The following PCBP3 variants were observed in gnomAD, a reference collection of about 807,000 sequenced individuals.
The protein encoded by PCBP3 is poly(rC) binding protein 3, also known as poly(rC)-binding protein 3.
PCBP3 carries 25 observed loss-of-function variants against 52.7 expected under a neutral mutation model. The ratio of observed to expected loss-of-function variants is 0.47; its 90% CI spans 0.35 to 0.66. The LOEUF is 0.66. Among genes scored for constraint, PCBP3 ranks in the 30% least tolerant of loss-of-function variants. The probability of loss-of-function intolerance (pLI) is 0.01; values close to 1 mark genes in which losing one functional copy is unlikely to be tolerated. For synonymous variants in PCBP3, 162 were observed against 183.0 expected (o/e 0.89, Z 0.93); for missense variants, 391 against 490.3 (o/e 0.80, Z 1.91).
chr21:45,893,863 T>C (rs1212893846), intron 5 of PCBP3: 2 of 985,268 alleles, frequency 2.0e-6, no homozygotes, highest in African/African-American at 3.5e-5. Flanking sequence ...GGTCCGAGCA[T>C]GGGCTGCTGC....
rs147448164 is a variant in PCBP3 at position 45,914,509 on chromosome 21, G to A, written c.675+484G>A. ...AGGATGCATGGCCCGACGACCGGGC[G>A]TCTGTGCCGCTGTGTCCGGACCTCC... is the stretch of plus-strand genomic sequence containing the variant. On this transcript the variant is annotated intron_variant, in intron 12 of 17. Transcript: ENST00000681687. 570 of 206,910 alleles carry A rather than the reference G, an allele frequency of 2.8e-3. 3 individuals are homozygous for A. Among genetic ancestry groups the A allele is most frequent in the African/African-American group, 0.013 (551 of 43,396 alleles). The allele number at this position is 206,910 out of a possible 1,614,324, so 12.8% of individuals were successfully genotyped here.
At chr21:45,907,423 A>C (rs996959879) in intron 9 of PCBP3, among the ~76,000 whole-genome samples, 5 of 152,222 alleles carry the variant, frequency 3.3e-5, no homozygotes, top group African/African-American at 4.8e-5. Flanking sequence ...CGAAGGGTAG[A>C]GACAGTCGAG....
rs370006213 is a variant in PCBP3 at position 45,685,784 on chromosome 21, C to T, written c.-200+16832C>T. 2.9e-3 allele frequency among the ~76,000 whole-genome samples: 446 copies of T among 152,140 alleles called. 1 individual carries two copies. The highest frequency in any genetic ancestry group is 9.9e-3 in the African/African-American group (410 of 41,508). On this transcript the variant is annotated intron_variant, in intron 2 of 17. Transcript: ENST00000681687. ...GACTCTGAAGAGAAGTAAAATCAGC[C>T]CCAAAAATCTGCACTGGGGATTCCT...
intron 4 of PCBP3, among the ~76,000 whole-genome samples, chr21:45,797,577 A>C (rs982147891): frequency 1.3e-5 from 2 of 152,158 alleles, no homozygotes; most frequent in Non-Finnish European, 2.9e-5. Context: ...AGAGAGAGTG[A>C]TTGTGTGCAT....
chr21:45,705,164 T>G (rs1464091425), intron 2 of PCBP3, among the ~76,000 whole-genome samples: 1 of 152,234 alleles, frequency 6.6e-6, no homozygotes, highest in African/African-American at 2.4e-5. Context: ...GAGGCTCATT[T>G]GCTTATGTGA....
chr21:45,759,503 G>A (rs147035628), intron 4 of PCBP3, among the ~76,000 whole-genome samples: 25 of 152,200 alleles, frequency 1.6e-4, no homozygotes, highest in South Asian at 1.0e-3. Flanking sequence ...TATGTCAGAC[G>A]TTCTTACTCT....
At chr21:45,727,971 C>A (rs977059500) in intron 2 of PCBP3, among the ~76,000 whole-genome samples, 2 of 152,190 alleles carry the variant, frequency 1.3e-5, no homozygotes, top group African/African-American at 4.8e-5. Flanking sequence ...ATCTTGAAAT[C>A]GGGCAGTATA....
At position 45,941,470 on chromosome 21, in the gene PCBP3, G is replaced by A. The variant is rs143769254; in HGVS notation, c.1080-200G>A. Among the ~76,000 whole-genome samples the A allele has an allele frequency of 3.7e-4, 56 of 152,314 alleles. No homozygotes were observed. The East Asian group carries it at 7.5e-3, about 20-fold the overall frequency. On this transcript the variant is annotated intron_variant, in intron 17 of 17. Transcript: ENST00000681687. ...TGCAGGGCTGGCTCACACACCTGAC[G>A]TGGTGATGGGCATGGCGGGGACCAG... is the stretch of plus-strand genomic sequence containing the variant.
At position 45,800,518 on chromosome 21, in the gene PCBP3, G is replaced by A. The variant is rs925543399; in HGVS notation, c.-126+45066G>A. 2.0e-5 allele frequency among the ~76,000 whole-genome samples: 3 copies of A among 152,140 alleles called. No individual in the cohort carries two copies. The highest frequency in any genetic ancestry group is 4.4e-5 in the Non-Finnish European group (3 of 68,030). ...AGGTGTGTGCCTGACCTGACCCTGA[G>A]GCCCCCTCCCTGCCATGCCTCTAAC... is the stretch of plus-strand genomic sequence containing the variant. On this transcript the variant is annotated intron_variant, in intron 4 of 17. Coordinates refer to ENST00000681687, the MANE Select transcript of PCBP3 (RefSeq NM_001384156.1). This position sits in a 1 kb window ranked among gnomAD's most constrained non-coding sequence, Gnocchi z 5.3.
At position 45,814,167 on chromosome 21, in the gene PCBP3, A is replaced by G. The variant is rs147288970; in HGVS notation, c.-125-35794A>G. 1.3e-3 allele frequency among the ~76,000 whole-genome samples: 197 copies of G among 152,386 alleles called. 2 individuals carry two copies. The highest frequency in any genetic ancestry group is 4.4e-3 in the African/African-American group (183 of 41,592). ...TGTTTAAACACTTCGAAACATAGAA[A>G]AGGTGAAGTAAAAATACAGTATAAA... On this transcript the variant is annotated intron_variant, in intron 4 of 17. Transcript: ENST00000681687.
chr21:45,901,555 C>T, intron 9 of PCBP3: 1 of 208,342 alleles, frequency 4.8e-6, no homozygotes, highest in East Asian at 1.1e-4. Flanking sequence ...CACCATGCCT[C>T]TGGGGCCCCC....
rs190955846 is a variant in PCBP3 at position 45,698,028 on chromosome 21, C to T, written c.-200+29076C>T. Among the ~76,000 whole-genome samples, 388 of 152,310 alleles carry T rather than the reference C, an allele frequency of 2.5e-3. 2 individuals are homozygous for T. The highest frequency in any genetic ancestry group is 4.2e-3 in the Non-Finnish European group (287 of 68,018). ...ACACACTACTTCCCATGCACCTTATCCTGTTGTCTCACCTGGGCTTCACAA... is the reference window on the plus strand; with the variant it reads ...ACACACTACTTCCCATGCACCTTATTCTGTTGTCTCACCTGGGCTTCACAA... On this transcript the variant is annotated intron_variant, in intron 2 of 17. Transcript: ENST00000681687.
In PCBP3 at chr21:45,887,219, C is replaced by T. The variant is rs148677723; in HGVS notation, c.11-8989C>T. On this transcript the variant is annotated intron_variant, in intron 5 of 17. Coordinates refer to ENST00000681687, the MANE Select transcript of PCBP3 (RefSeq NM_001384156.1). ...GTCTGCCTTTCCTACGCATTTCAGT[C>T]TTCTTGTGTTTGTTGTGGATACAAT... Among the ~76,000 whole-genome samples, 234 of 152,342 alleles carry T rather than the reference C, an allele frequency of 1.5e-3. 6 individuals carry two copies. The East Asian group carries it at 0.042, about 28-fold the overall frequency.
At chr21:45,765,806 C>A (rs752246364) in intron 4 of PCBP3, among the ~76,000 whole-genome samples, 1 of 152,208 alleles carries the variant, frequency 6.6e-6, no homozygotes, top group African/African-American at 2.4e-5. Flanking sequence ...AATACAGAAA[C>A]AAGTCATTCC....
intron 5 of PCBP3, among the ~76,000 whole-genome samples, chr21:45,864,087 C>T (rs985885425): frequency 1.3e-5 from 2 of 152,246 alleles, no homozygotes; most frequent in East Asian, 1.9e-4. Context: ...CGTGGCTTTA[C>T]GGATGTTTAT....
chr21:45,732,766 C>T (rs1205099343), intron 2 of PCBP3: 1 of 152,170 alleles, frequency 6.6e-6, no homozygotes, highest in African/African-American at 2.4e-5. Context: ...GGTAATCCTC[C>T]AACCTCAGCC....
chr21:45,865,754 T>C (rs2094696456), intron 5 of PCBP3, among the ~76,000 whole-genome samples: 1 of 152,204 alleles, frequency 6.6e-6, no homozygotes. Flanking sequence ...CACCCGGAGC[T>C]GTGGGCTCTG....
chr21:45,662,605 T>C lies in PCBP3; in HGVS notation c.-278-6269T>C, dbSNP rs146885156. Among the ~76,000 whole-genome samples, 317 of 152,228 alleles carry C rather than the reference T, an allele frequency of 2.1e-3. 2 individuals are homozygous for C. The highest frequency in any genetic ancestry group is 7.0e-3 in the African/African-American group (291 of 41,526). On this transcript the variant is annotated intron_variant, in intron 1 of 17. Coordinates refer to ENST00000681687, the MANE Select transcript of PCBP3 (RefSeq NM_001384156.1). ...TAGATATAGATCATAGATATGATTA[T>C]ATGTAAGTATCACTAATCATTAGTT...
chr21:45,928,072 C>T lies in PCBP3; in HGVS notation c.718-1845C>T, dbSNP rs2075716925. Among the ~76,000 whole-genome samples the T allele has an allele frequency of 6.6e-6, 1 of 152,246 alleles. No individual in the cohort carries two copies. The highest frequency in any genetic ancestry group is 6.5e-5 in the Admixed American group (1 of 15,288). ...CTACCCGGCCTGGGACACTTGCGGT[C>T]TTTCCTGACGTGCCCCGTCCAGGTG... On this transcript the variant is annotated intron_variant, in intron 13 of 17. Transcript: ENST00000681687. The surrounding 1 kb of genome is among the most constrained non-coding windows in gnomAD (Gnocchi z 4.1).
Sources: allele counts gnomAD v4.1 joint callset (sites outside exome capture counted in the v4.1 genomes callset), GRCh38; gene constraint gnomAD v4.1.1; non-coding constraint Gnocchi (gnomAD v3.1); transcripts MANE v1.5; gene names NCBI Gene and HGNC (gene_info 2026-07-23, HGNC 2026-07-21).